The following C12orf76 variants were observed in gnomAD, a reference collection of about 807,000 sequenced individuals.
C12orf76 encodes the protein uncharacterized protein C12orf76.
In C12orf76, 6 loss-of-function variants were observed where a neutral mutation model predicts 6.8. The ratio of observed to expected loss-of-function variants is 0.88; its 90% CI spans 0.48 to 1.73. The LOEUF (loss-of-function observed/expected upper bound fraction) is 1.73, where lower values mean the gene tolerates loss of function less well. C12orf76 is among the 40% of genes most tolerant of loss of function. The pLI is 0.01. For synonymous variants in C12orf76, 56 were observed against 43.7 expected (o/e 1.28, Z -1.11); for missense variants, 99 against 98.2 (o/e 1.01, Z -0.03).
intron 1 of C12orf76, among the ~76,000 whole-genome samples, chr12:110,042,855 C>T (rs1010472215): frequency 2.6e-5 from 4 of 151,738 alleles, no homozygotes; most frequent in African/African-American, 7.3e-5. Context: ...GTCAGGAGTT[C>T]GAGACTAGCC....
chr12:110,060,480 T>C (rs1892751579), intron 2 of C12orf76, among the ~76,000 whole-genome samples: 1 of 152,168 alleles, frequency 6.6e-6, no homozygotes, highest in Non-Finnish European at 1.5e-5. Context: ...TCAGCACCAG[T>C]TGACACTGTG....
At chr12:110,067,570 G>T in exon 1 of C12orf76, 1 of 985,426 alleles carries the variant, frequency 1.0e-6, no homozygotes, top group Non-Finnish European at 1.2e-6. Flanking sequence ...GGTTCAGTAG[G>T]GCTCACACTG....
At position 110,046,830 on chromosome 12, in the gene C12orf76, G is replaced by C. The variant is rs74841128; in HGVS notation, c.133+1533C>G. Among the ~76,000 whole-genome samples the C allele has an allele frequency of 9.3e-3, 1,408 of 152,196 alleles. 32 individuals carry two copies. The highest frequency in any genetic ancestry group is 0.032 in the African/African-American group (1,335 of 41,494). ...TGTCTGGAGAGATTTTGACTATCTT[G>C]ATTAGGAGTAGGGGGTGCTACTGGT... On this transcript the variant is annotated intron_variant, in intron 1 of 1. Coordinates refer to ENST00000615315, the MANE Select transcript of C12orf76 (RefSeq NM_001389625.1).
At chr12:110,042,678 A>G (rs932348809) in intron 1 of C12orf76, 19 of 671,924 alleles carry the variant, frequency 2.8e-5, no homozygotes, top group Non-Finnish European at 5.1e-5. Flanking sequence ...TACCGTGAAA[A>G]AAAAAAACAG....
chr12:110,044,948 G>C (rs1007744971), intron 1 of C12orf76, among the ~76,000 whole-genome samples: 8 of 151,838 alleles, frequency 5.3e-5, no homozygotes, highest in African/African-American at 1.9e-4. Context: ...ACTCCAGCCT[G>C]GGCAACAAGA....
At chr12:110,071,979 A>C (rs555052047), upstream of C12orf76, among the ~76,000 whole-genome samples, 49 of 152,326 alleles carry the variant, frequency 3.2e-4, no homozygotes, top group Admixed American at 1.9e-3. Flanking sequence ...GGGAAATGAG[A>C]ATATATATCC....
upstream of C12orf76, among the ~76,000 whole-genome samples, chr12:110,068,178 T>C (rs998241339): frequency 1.3e-5 from 2 of 149,078 alleles, no homozygotes; most frequent in African/African-American, 5.0e-5. Flanking sequence ...CACTCCAGCC[T>C]AGGCAACAAG....
upstream of C12orf76, chr12:110,050,133 T>G (rs1235364837): frequency 2.0e-5 from 3 of 152,200 alleles, no homozygotes; most frequent in African/African-American, 7.2e-5. Flanking sequence ...GAGTAGCATA[T>G]TATATTCAGT....
At chr12:110,061,083 CA>C (rs34382276) in intron 2 of C12orf76, among the ~76,000 whole-genome samples, 3,198 of 84,300 alleles carry the variant, frequency 0.038, 78 homozygotes, top group African/African-American at 0.1. Context: ...GACTCTGACT[CA>C]AAAAAAAAAA....
intron 2 of C12orf76, among the ~76,000 whole-genome samples, chr12:110,065,521 G>A (rs1462964675): frequency 3.3e-5 from 5 of 151,976 alleles, no homozygotes; most frequent in Admixed American, 6.6e-5. Context: ...TCAGGAATCC[G>A]GAGCCATCCT....
At chr12:110,062,293 G>A (rs558966602) in intron 2 of C12orf76, among the ~76,000 whole-genome samples, 20 of 152,148 alleles carry the variant, frequency 1.3e-4, no homozygotes, top group Non-Finnish European at 2.4e-4. Context: ...TATTGTATTC[G>A]GCAGGGTTTC....
intron 2 of C12orf76, among the ~76,000 whole-genome samples, chr12:110,065,391 G>A (rs1022320902): frequency 2.6e-5 from 4 of 151,962 alleles, no homozygotes; most frequent in Admixed American, 2.0e-4. Flanking sequence ...GGCTGGTCTC[G>A]AACTCTTGAC....
At chr12:110,052,792 T>C (rs946418598), upstream of C12orf76, among the ~76,000 whole-genome samples, 1 of 152,184 alleles carries the variant, frequency 6.6e-6, no homozygotes, top group African/African-American at 2.4e-5. Flanking sequence ...CCCCAGCTGT[T>C]CTCCACCTTG....
intron 3 of C12orf76, chr12:110,058,872 C>A: frequency 1.6e-6 from 2 of 1,226,048 alleles, no homozygotes; most frequent in South Asian, 1.7e-5. Context: ...TTACCATGTG[C>A]CAACCACTCT....
intron 1 of C12orf76, among the ~76,000 whole-genome samples, chr12:110,066,957 C>T (rs1429023718): frequency 1.3e-5 from 2 of 152,164 alleles, no homozygotes; most frequent in African/African-American, 4.8e-5. Flanking sequence ...CACTATTGGC[C>T]CCAGTGGAGG....
upstream of C12orf76, chr12:110,050,856 A>AC (rs1892562245): frequency 1.7e-6 from 1 of 605,616 alleles, no homozygotes; most frequent in African/African-American, 1.9e-5. Flanking sequence ...AGATCCAAGA[A>AC]CCCCCTCTTG....
At chr12:110,062,119 CTGGGCG>C (rs1362306123) in intron 2 of C12orf76, among the ~76,000 whole-genome samples, 2 of 152,096 alleles carry the variant, frequency 1.3e-5, no homozygotes, top group Admixed American at 1.3e-4. Context: ...CAAAAATTAG[CTGGGCG>C]TGGTGGCGCA....
At chr12:110,048,949 A>G (rs1384770596), upstream of C12orf76, 2 of 153,424 alleles carry the variant, frequency 1.3e-5, no homozygotes, top group East Asian at 3.8e-4. Context: ...CTTTTCTAAA[A>G]TTGCAACCCT....
chr12:110,047,876 C>A (rs112852933), intron 1 of C12orf76, among the ~76,000 whole-genome samples: 2 of 152,262 alleles, frequency 1.3e-5, no homozygotes, highest in Admixed American at 6.5e-5. Context: ...TGCCTTGTTG[C>A]CTAGCCTGAG....
Sources: gnomAD v4.1 joint callset for allele counts (sites outside exome capture counted in the v4.1 genomes callset) on GRCh38, gnomAD v4.1.1 for gene constraint, MANE v1.5 for transcripts, NCBI Gene and HGNC (gene_info 2026-07-23, HGNC 2026-07-21) for gene names.